The following XRN1 variants were observed in gnomAD, a reference collection of about 807,000 sequenced individuals.
XRN1 encodes strand-exchange protein 1 homolog.
A neutral mutation model predicts 222.3 loss-of-function variants in XRN1; 67 were observed. That is an observed-to-expected ratio of 0.30 (90% CI 0.25 to 0.37). The LOEUF is 0.37. XRN1 is among the 10% of genes least tolerant of loss of function. XRN1 has a pLI of 1.00. For missense variants in XRN1, 1,707 were observed against 2,000.2 expected (o/e 0.85, Z 2.80); for synonymous variants, 643 against 652.4 (o/e 0.99, Z 0.22).
At chr3:142,444,364 T>C (rs568535984) in intron 1 of XRN1, among the ~76,000 whole-genome samples, 1 of 152,194 alleles carries the variant, frequency 6.6e-6, no homozygotes, top group South Asian at 2.1e-4. Flanking sequence ...TCCAAGGACT[T>C]TGGGAGGCTG....
intron 39 of XRN1, among the ~76,000 whole-genome samples, chr3:142,316,806 G>A (rs1040051717): frequency 4.6e-5 from 7 of 152,060 alleles, no homozygotes; most frequent in Non-Finnish European, 7.4e-5. Flanking sequence ...GAAGGCTCAT[G>A]CTTGTAATCT....
rs778690801 is a variant in XRN1 at position 142,312,794 on chromosome 3, A to C, written c.4622-36T>G. 2.5e-6 allele frequency: 4 copies of C among 1,574,438 alleles called. No homozygotes were observed. The East Asian group carries it at 9.0e-5, about 35-fold the overall frequency. ...CCAAGGAAAATTTTTCTTTTAGTAAAATGGTATCATCAAAGCTCTGAAATT... is the reference window on the plus strand; with the variant it reads ...CCAAGGAAAATTTTTCTTTTAGTAACATGGTATCATCAAAGCTCTGAAATT... On this transcript the variant is annotated intron_variant, in intron 39 of 40. Transcript: ENST00000392981.
chr3:142,385,241 T>C (rs1231642333), intron 20 of XRN1, among the ~76,000 whole-genome samples: 1 of 152,100 alleles, frequency 6.6e-6, no homozygotes, highest in Non-Finnish European at 1.5e-5. Flanking sequence ...AATGAACAAA[T>C]GGATAAACAA....
intron 38 of XRN1, 35 bp downstream of exon 38, chr3:142,318,755 A>C (rs2065271064): frequency 3.1e-6 from 5 of 1,612,008 alleles, no homozygotes; most frequent in Non-Finnish European, 4.2e-6. Context: ...GGGACTAATA[A>C]AAATTTTAAT....
chr3:142,386,066 A>T (rs1354227528), intron 20 of XRN1, among the ~76,000 whole-genome samples: 1 of 151,952 alleles, frequency 6.6e-6, no homozygotes, highest in African/African-American at 2.4e-5. Context: ...GTTGGTCTGA[A>T]AAAAGTCATG....
intron 14 of XRN1, among the ~76,000 whole-genome samples, chr3:142,413,713 A>G (rs551435626): frequency 6.6e-6 from 1 of 152,250 alleles, no homozygotes; most frequent in South Asian, 2.1e-4. Flanking sequence ...AAAAACAAAC[A>G]TATACTGAGG....
chr3:142,306,971 T>C lies in XRN1; in HGVS notation c.*4540A>G, dbSNP rs564978205. ...AGAAATCAATTAAGATATGTATCTA[T>C]ATATGTATGAATTACACTTTTGTTT... is the stretch of plus-strand genomic sequence containing the variant. On this transcript the variant is annotated 3_prime_UTR_variant, in exon 41 of 41. Coordinates refer to ENST00000392981, the MANE Select transcript of XRN1 (RefSeq NM_001282857.2). The C allele has an allele frequency of 2.0e-5, 3 of 152,782 alleles. No individual in the cohort carries two copies. The highest frequency in any genetic ancestry group is 4.8e-5 in the African/African-American group (2 of 41,584). 9.5% of individuals were successfully genotyped at this position (152,782 alleles called of 1,614,324 possible).
intron 33 of XRN1, among the ~76,000 whole-genome samples, chr3:142,345,932 G>C (rs765735213): frequency 6.6e-6 from 1 of 152,130 alleles, no homozygotes; most frequent in African/African-American, 2.4e-5. Context: ...ACACATCCCT[G>C]GTGCAAAGGT....
rs2068696182 is a variant in XRN1 at position 142,414,165 on chromosome 3, G to C, written c.1563C>G (p.Ala521=). The C allele has an allele frequency of 1.2e-6, 2 of 1,612,346 alleles. No homozygotes were observed. Among genetic ancestry groups the C allele is most frequent in the Non-Finnish European group, 1.7e-6 (2 of 1,179,264 alleles). The change falls in exon 14 of 41, where the codon GCC becomes GCG. Residue 521 remains alanine, a synonymous_variant. Coordinates refer to ENST00000392981, the MANE Select transcript of XRN1 (RefSeq NM_001282857.2). The part of the protein sequence containing the change: ...FEQLLAVLPA[A]SKNLLPACYQ... Reference sequence around the variant, plus strand: ...AGCATGCAGGAAGTAAATTTTTGCTGGCTGCTGGAAGTACAGCAAGAAGCT... The same window carrying C: ...AGCATGCAGGAAGTAAATTTTTGCTCGCTGCTGGAAGTACAGCAAGAAGCT...
intron 20 of XRN1, among the ~76,000 whole-genome samples, chr3:142,395,631 C>G (rs1414834967): frequency 1.3e-5 from 2 of 152,184 alleles, no homozygotes; most frequent in Non-Finnish European, 2.9e-5. Context: ...CATTCCTTTA[C>G]CCACTCTAGT....
rs761841220 is a variant in XRN1 at position 142,318,922 on chromosome 3, T to C, written c.4405-19A>G. 77 of 1,590,852 alleles carry C rather than the reference T, an allele frequency of 4.8e-5. No individual in the cohort carries two copies. Among genetic ancestry groups the C allele is most frequent in the Non-Finnish European group, 6.3e-5 (73 of 1,161,136 alleles). On this transcript the variant is annotated intron_variant, in intron 37 of 40. Coordinates refer to ENST00000392981, the MANE Select transcript of XRN1 (RefSeq NM_001282857.2). ...TCATTGTCTAAAAAAAGAGAATATA[T>C]ATGTCTATGAAATTCTCTGTCTAGG...
In XRN1 at chr3:142,426,782, GGAA is replaced by G. The variant is rs762207510; in HGVS notation, c.365_367del (p.Leu122del). 6.2e-7 allele frequency: 1 copy of G among 1,613,748 alleles called. No homozygotes were observed. On this transcript the variant is annotated inframe_deletion, in exon 3 of 41. Coordinates refer to ENST00000392981, the MANE Select transcript of XRN1 (RefSeq NM_001282857.2). Reference sequence around the variant, plus strand: ...GTTGGAATCAAATCTGGCCTCTGTAGGAAGAGTTTCTCCCTTCTCTATTGCCTT... The same window carrying G: ...GTTGGAATCAAATCTGGCCTCTGTAGGAGTTTCTCCCTTCTCTATTGCCTT...
At chr3:142,345,982 A>C (rs979594838) in intron 33 of XRN1, among the ~76,000 whole-genome samples, 3 of 152,222 alleles carry the variant, frequency 2.0e-5, no homozygotes, top group African/African-American at 7.2e-5. Flanking sequence ...TTATACAAAA[A>C]GCTGAACTTA....
At chr3:142,317,100 T>C (rs1211984498) in intron 39 of XRN1, among the ~76,000 whole-genome samples, 3 of 152,222 alleles carry the variant, frequency 2.0e-5, no homozygotes, top group Admixed American at 6.5e-5. Flanking sequence ...TTTTGATCTT[T>C]GTACATATTT....
chr3:142,385,641 C>T (rs533844598), intron 20 of XRN1, among the ~76,000 whole-genome samples: 1 of 152,094 alleles, frequency 6.6e-6, no homozygotes, highest in Non-Finnish European at 1.5e-5. Context: ...TTACTATTTG[C>T]CCTTTACAGA....
intron 24 of XRN1, 193 bp downstream of exon 24, chr3:142,376,286 A>G: frequency 1.5e-6 from 1 of 674,034 alleles, no homozygotes. Flanking sequence ...CTGCTAAAAA[A>G]TAAGAACTGT....
rs780081886 is a variant in XRN1, at chr3:142,412,548, TC to T, written c.1708del (p.Asp570MetfsTer30). Reference protein sequence around the residue: ...WEAVVLIPFIDEKRLLEAMET... With the variant: ...WEAVVLIPFIXEKRLLEAMET... ...ATGATTATTTCATGCACTGACCTCA[TC>T]AATAAAAGGGATTAACACCACAGCT... On this transcript the variant is annotated frameshift_variant, in exon 15 of 41. Transcript: ENST00000392981. LOFTEE classifies it high-confidence loss of function. 1 of 1,601,874 alleles carries T rather than the reference TC, an allele frequency of 6.2e-7. No homozygotes were observed. The highest frequency in any genetic ancestry group is 1.3e-5 in the African/African-American group (1 of 74,936).
intron 1 of XRN1, among the ~76,000 whole-genome samples, chr3:142,442,363 G>A (rs572969529): frequency 6.6e-6 from 1 of 151,964 alleles, no homozygotes; most frequent in African/African-American, 2.4e-5. Context: ...AGAGCCGCAA[G>A]GCAGGACCCT....
intron 11 of XRN1, 23 bp from the exon 12 acceptor site, chr3:142,418,632 T>C: frequency 6.4e-7 from 1 of 1,554,678 alleles, no homozygotes; most frequent in South Asian, 1.2e-5. Context: ...GTCAGAAAGA[T>C]AGTGACTGAC....
Sources: gnomAD v4.1 joint callset for allele counts (sites outside exome capture counted in the v4.1 genomes callset) on GRCh38, gnomAD v4.1.1 for gene constraint, MANE v1.5 for transcripts, NCBI Gene and HGNC (gene_info 2026-07-23, HGNC 2026-07-21) for gene names.